CLTRN: variants seen among roughly 807,000 people sequenced by gnomAD.
The protein encoded by CLTRN is collectrin, amino acid transport regulator, also known as collectrin.
CLTRN carries 12 observed loss-of-function variants against 14.5 expected under a neutral mutation model. The observed-to-expected ratio is 0.83, with a 90% CI of 0.53 to 1.34. The LOEUF is 1.34. Among genes scored for constraint, CLTRN ranks in the 40% most tolerant of loss-of-function variants. The pLI is 0.00. For synonymous variants in CLTRN, 58 were observed against 56.5 expected (o/e 1.03, Z -0.12); for missense variants, 154 against 165.1 (o/e 0.93, Z 0.37).
chrX:15,638,090 A>G (rs1268157502), intron 5 of CLTRN, among the ~76,000 whole-genome samples: 1 of 112,442 alleles, frequency 8.9e-6, no homozygotes, highest in Non-Finnish European at 1.9e-5. Context: ...TGAATTCACT[A>G]ATGTTACAGT....
intron 3 of CLTRN, among the ~76,000 whole-genome samples, chrX:15,649,286 AATTT>A (rs1273979978): frequency 2.7e-5 from 3 of 112,147 alleles, no homozygotes; most frequent in Non-Finnish European, 5.6e-5. Context: ...AAGTTCTTTA[AATTT>A]ATTCAAGTTT....
chrX:15,653,681 C>T (rs183994227), intron 3 of CLTRN, among the ~76,000 whole-genome samples: 121 of 112,053 alleles, frequency 1.1e-3, no homozygotes, highest in African/African-American at 3.8e-3. Context: ...CTGGTGTCCA[C>T]AGTTGCATCT....
intron 1 of CLTRN, among the ~76,000 whole-genome samples, chrX:15,673,776 G>A (rs1039781880): frequency 3.6e-5 from 4 of 112,271 alleles, no homozygotes; most frequent in Non-Finnish European, 7.5e-5. Flanking sequence ...ATATGTAGAA[G>A]TGTATATAGT....
rs765200433 is a variant in CLTRN at position 15,662,004 on chromosome X, C to G, written c.117+2333G>C. ...CTAACCCCACATTTTAGGTAAGTAA[C>G]TGGTATAACTAGAGACAATTACAGA... On this transcript the variant is annotated intron_variant, in intron 2 of 5. Transcript: ENST00000380342. 1.2e-4 allele frequency among the ~76,000 whole-genome samples: 13 copies of G among 111,477 alleles called. No individual in the cohort carries two copies. In the Middle Eastern group the frequency reaches 0.019, roughly 159 times the overall value.
intron 2 of CLTRN, among the ~76,000 whole-genome samples, chrX:15,663,826 T>C (rs1701774685): frequency 8.9e-6 from 1 of 112,808 alleles, no homozygotes; most frequent in African/African-American, 3.2e-5. Flanking sequence ...TGACTATTTT[T>C]TAAACTTCTA....
At chrX:15,640,558 T>C (rs1928918592) in intron 4 of CLTRN, among the ~76,000 whole-genome samples, 1 of 112,832 alleles carries the variant, frequency 8.9e-6, no homozygotes, top group Non-Finnish European at 1.9e-5. Context: ...GTGAGTAGCA[T>C]CTAGATTAGA....
At chrX:15,653,176 TG>T (rs1193019616) in intron 3 of CLTRN, among the ~76,000 whole-genome samples, 1 of 111,333 alleles carries the variant, frequency 9.0e-6, no homozygotes, top group Non-Finnish European at 1.9e-5. Flanking sequence ...TTTGGAAGTT[TG>T]GGGTTTTTTT....
At chrX:15,639,419 T>C in intron 5 of CLTRN, 143 bp downstream of exon 5, 1 of 513,612 alleles carries the variant, frequency 1.9e-6, no homozygotes, top group Admixed American at 3.9e-5. Context: ...AGAGCATAAG[T>C]GATATTTTTG....
chrX:15,633,854 T>C (rs886131238), intron 5 of CLTRN, among the ~76,000 whole-genome samples: 1 of 112,277 alleles, frequency 8.9e-6, no homozygotes, highest in Non-Finnish European at 1.9e-5. Context: ...AAGATTACAA[T>C]CTCCTTTTAG....
chrX:15,645,981 T>C (rs930451541), intron 3 of CLTRN, among the ~76,000 whole-genome samples: 1 of 113,186 alleles, frequency 8.8e-6, no homozygotes, highest in African/African-American at 3.2e-5. Flanking sequence ...AGCACCCTTC[T>C]GTCAACAGGT....
intron 1 of CLTRN, among the ~76,000 whole-genome samples, chrX:15,671,028 G>A (rs897636553): frequency 2.7e-5 from 3 of 110,026 alleles, no homozygotes; most frequent in African/African-American, 1.0e-4. Context: ...TAGAACTTCA[G>A]TTTATGATTC....
chrX:15,650,883 G>A (rs12857752), intron 3 of CLTRN, among the ~76,000 whole-genome samples: 1 of 111,960 alleles, frequency 8.9e-6, no homozygotes, highest in South Asian at 3.7e-4. Flanking sequence ...CTGCTCTGAA[G>A]GCAGCAAAGG....
At chrX:15,641,636 CTGTGTGTG>C (rs56407617) in intron 4 of CLTRN, among the ~76,000 whole-genome samples, 24 of 88,474 alleles carry the variant, frequency 2.7e-4, no homozygotes, top group Admixed American at 1.4e-3. Context: ...CCACACCTGG[CTGTGTGTG>C]TGTGTGTGTG....
chrX:15,662,172 A>G (rs1369897620), intron 2 of CLTRN, among the ~76,000 whole-genome samples: 1 of 109,964 alleles, frequency 9.1e-6, no homozygotes, highest in African/African-American at 3.3e-5. Context: ...ACTGATGGTC[A>G]ATGCTTTTTT....
chrX:15,651,705 G>A (rs1569252770), intron 3 of CLTRN, among the ~76,000 whole-genome samples: 1 of 111,453 alleles, frequency 9.0e-6, no homozygotes, highest in East Asian at 2.8e-4. Flanking sequence ...GTCCTGTGCT[G>A]TAAGCCCCCA....
chrX:15,667,985 T>C (rs968548731), upstream of CLTRN, among the ~76,000 whole-genome samples: 2 of 112,514 alleles, frequency 1.8e-5, no homozygotes, highest in African/African-American at 6.4e-5. Context: ...TGTAAGCCAT[T>C]CATCTGAAAA....
At chrX:15,646,458 ACC>A in intron 3 of CLTRN, 3 of 228,793 alleles carry the variant, frequency 1.3e-5, no homozygotes, top group Admixed American at 6.1e-5. Context: ...AAAACCGCGC[ACC>A]CACCCCCCCG....
chrX:15,665,418 A>C, upstream of CLTRN, among the ~76,000 whole-genome samples: 1 of 111,872 alleles, frequency 8.9e-6, no homozygotes. Flanking sequence ...TGTACACCAA[A>C]CTCCAGTGAC....
chrX:15,632,840 T>TGC (rs1928730371), intron 5 of CLTRN, among the ~76,000 whole-genome samples: 2 of 96,714 alleles, frequency 2.1e-5, no homozygotes, highest in Admixed American at 1.2e-4. Flanking sequence ...GCCAAGATCT[T>TGC]GCCACTGCAC....
Sources: allele counts gnomAD v4.1 joint callset (sites outside exome capture counted in the v4.1 genomes callset), GRCh38; gene constraint gnomAD v4.1.1; transcripts MANE v1.5; gene names NCBI Gene and HGNC (gene_info 2026-07-23, HGNC 2026-07-21).